Variants in TRDN observed in about 807,000 individuals in gnomAD.
TRDN encodes the protein triadin in skeletal muscle.
Under a neutral mutation model 149.7 loss-of-function variants are expected in TRDN, and 161 were observed. The observed-to-expected ratio is 1.08, with a 90% CI of 0.95 to 1.23. TRDN has a LOEUF of 1.23. Among genes scored for constraint, TRDN ranks in the 50% most tolerant of loss-of-function variants. The probability of loss-of-function intolerance (pLI) is 0.00; values close to 1 mark genes in which losing one functional copy is unlikely to be tolerated. For missense variants in TRDN, 896 were observed against 823.5 expected, an observed-to-expected ratio of 1.09 and a Z score of -1.08; for synonymous variants, 294 against 250.5, an observed-to-expected ratio of 1.17 and a Z score of -1.64.
chr6:123,624,946 G>T (rs189484289), intron 1 of TRDN, among the ~76,000 whole-genome samples: 1 of 152,150 alleles, frequency 6.6e-6, no homozygotes, highest in Admixed American at 6.6e-5. Context: ...CAGTGTGCCT[G>T]ACCGAAAATT....
At chr6:123,536,946 T>C (rs1161537724) in intron 4 of TRDN, among the ~76,000 whole-genome samples, 1 of 151,916 alleles carries the variant, frequency 6.6e-6, no homozygotes, top group East Asian at 1.9e-4. Flanking sequence ...AAGTTTTTTA[T>C]ATTTCAGAAA....
chr6:123,414,558 G>T (rs979438093), intron 12 of TRDN, among the ~76,000 whole-genome samples: 2 of 152,054 alleles, frequency 1.3e-5, no homozygotes, highest in Non-Finnish European at 2.9e-5. Flanking sequence ...TCTGTATGTT[G>T]TGGAGGTTTT....
At chr6:123,405,819 TG>T (rs1197771452) in intron 12 of TRDN, among the ~76,000 whole-genome samples, 14 of 152,184 alleles carry the variant, frequency 9.2e-5, no homozygotes, top group South Asian at 2.1e-4. Flanking sequence ...GTAATCCTCA[TG>T]GGTACCTAAT....
At chr6:123,553,319 C>A (rs938077298) in intron 2 of TRDN, among the ~76,000 whole-genome samples, 15 of 152,000 alleles carry the variant, frequency 9.9e-5, no homozygotes, top group Middle Eastern at 3.2e-3. Flanking sequence ...AATGATTAAC[C>A]CCAACCTTAA....
At chr6:123,226,080 A>C (rs1333577177) in intron 38 of TRDN, among the ~76,000 whole-genome samples, 4 of 151,806 alleles carry the variant, frequency 2.6e-5, no homozygotes, top group African/African-American at 9.7e-5. Flanking sequence ...AAAAGAAACA[A>C]AATTACTAGA....
chr6:123,427,330 A>C (rs1774165168), intron 12 of TRDN, among the ~76,000 whole-genome samples: 1 of 151,886 alleles, frequency 6.6e-6, no homozygotes, highest in African/African-American at 2.4e-5. Context: ...CAAGTGGCTA[A>C]ATTTAATACA....
At chr6:123,503,428 A>C (rs563847156) in intron 8 of TRDN, 2 of 985,310 alleles carry the variant, frequency 2.0e-6, no homozygotes, top group East Asian at 2.3e-4. Flanking sequence ...TCCATATCTC[A>C]AAAATTCAAC....
At chr6:123,291,886 T>G (rs1778024331) in intron 24 of TRDN, among the ~76,000 whole-genome samples, 1 of 152,188 alleles carries the variant, frequency 6.6e-6, no homozygotes, top group African/African-American at 2.4e-5. Context: ...CTCCTGTTAA[T>G]TTTTCTCCTC....
chr6:123,400,165 G>GTATATATA (rs1772898121), intron 12 of TRDN, among the ~76,000 whole-genome samples: 2 of 18,402 alleles, frequency 1.1e-4, no homozygotes, highest in Admixed American at 5.9e-4. Context: ...GAATATGTAT[G>GTATATATA]TGTATATATA....
intron 8 of TRDN, 129 bp from the exon 9 acceptor site, chr6:123,497,381 A>G: frequency 1.8e-6 from 1 of 557,340 alleles, no homozygotes; most frequent in Non-Finnish European, 3.0e-6. Context: ...ATTTTCTGTA[A>G]AAAAAATAAT....
chr6:123,242,560 G>A (rs1235400181), intron 38 of TRDN, among the ~76,000 whole-genome samples: 2 of 152,046 alleles, frequency 1.3e-5, no homozygotes, highest in African/African-American at 2.4e-5. Flanking sequence ...CAGCTAATAC[G>A]AGCCTCTTCC....
Position 123,542,536 on chromosome 6 carries a change from A to G in TRDN, c.424+4804T>C, listed in dbSNP as rs529526213. Reference sequence around the variant, plus strand: ...ATTATCTTCTAAAATTACATATTCCAAAGGATATAAATGCTGTAATTATTA... The same window carrying G: ...ATTATCTTCTAAAATTACATATTCCGAAGGATATAAATGCTGTAATTATTA... On this transcript the variant is annotated intron_variant, in intron 4 of 40. Coordinates refer to ENST00000334268, the MANE Select transcript of TRDN (RefSeq NM_006073.4). 5.9e-5 allele frequency among the ~76,000 whole-genome samples: 9 copies of G among 152,290 alleles called. No individual in the cohort carries two copies. The East Asian group carries it at 1.7e-3, about 29-fold the overall frequency.
At chr6:123,422,447 G>T (rs1238880552) in intron 12 of TRDN, among the ~76,000 whole-genome samples, 1 of 152,078 alleles carries the variant, frequency 6.6e-6, no homozygotes. Flanking sequence ...AAGGGAGATG[G>T]GAAAAGTTAT....
chr6:123,414,662 T>C (rs527748381), intron 12 of TRDN, among the ~76,000 whole-genome samples: 85 of 152,226 alleles, frequency 5.6e-4, no homozygotes, highest in Non-Finnish European at 9.0e-4. Context: ...AGTTAAGTCT[T>C]AAAACACACA....
chr6:123,433,938 G>A (rs187243004), intron 12 of TRDN: 13 of 152,218 alleles, frequency 8.5e-5, no homozygotes, highest in Admixed American at 6.5e-4. Context: ...TAATCAAGTA[G>A]GTGAAACGTT....
chr6:123,381,495 T>C (rs1781719271), intron 15 of TRDN, 105 bp from the exon 16 acceptor site: 6 of 1,078,594 alleles, frequency 5.6e-6, no homozygotes, highest in South Asian at 1.5e-5. Context: ...TCCTTCCAAT[T>C]TTCTCTCCTT....
At chr6:123,465,582 C>CAAAAAAAAA (rs1223948612) in intron 9 of TRDN, among the ~76,000 whole-genome samples, 4 of 65,544 alleles carry the variant, frequency 6.1e-5, no homozygotes, top group East Asian at 4.6e-4. Context: ...TTATGAACTG[C>CAAAAAAAAA]AAAAAAAAAA....
At chr6:123,492,948 T>C (rs1778287335) in intron 9 of TRDN, among the ~76,000 whole-genome samples, 1 of 152,092 alleles carries the variant, frequency 6.6e-6, no homozygotes, top group South Asian at 2.1e-4. Flanking sequence ...TCCCCGACTC[T>C]CCTCTCTCTG....
chr6:123,476,879 G>C (rs1228651691), intron 9 of TRDN, among the ~76,000 whole-genome samples: 46 of 151,778 alleles, frequency 3.0e-4, no homozygotes, highest in African/African-American at 4.8e-4. Context: ...GAAACTGGAT[G>C]CCTTCCTTAC....
Sources: gnomAD v4.1 joint callset for allele counts (sites outside exome capture counted in the v4.1 genomes callset) on GRCh38, gnomAD v4.1.1 for gene constraint, MANE v1.5 for transcripts, NCBI Gene and HGNC (gene_info 2026-07-23, HGNC 2026-07-21) for gene names.